Variants in KIAA0825 observed in about 807,000 individuals in gnomAD.
KIAA0825 encodes the protein KIAA0825.
Under a neutral mutation model 147.6 loss-of-function variants are expected in KIAA0825, and 119 were observed. The observed-to-expected ratio is 0.81, with a 90% confidence interval of 0.69 to 0.94. The LOEUF (loss-of-function observed/expected upper bound fraction) is 0.94, where lower values mean the gene tolerates loss of function less well. Ranked by LOEUF, KIAA0825 falls within the 40% of genes least tolerant of loss-of-function variation. KIAA0825 has a pLI of 0.00. For synonymous variants in KIAA0825, 470 were observed against 518.1 expected (o/e 0.91, Z 1.26); for missense variants, 1,381 against 1,472.7 (o/e 0.94, Z 1.02).
At chr5:94,466,626 A>G (rs981588714) in intron 10 of KIAA0825, among the ~76,000 whole-genome samples, 5 of 151,210 alleles carry the variant, frequency 3.3e-5, no homozygotes, top group African/African-American at 1.2e-4. Context: ...AGTCCCAGCT[A>G]CTTGGGAGGC....
chr5:94,503,075 TATATATATA>T (rs1765280248), intron 5 of KIAA0825, among the ~76,000 whole-genome samples: 1 of 143,340 alleles, frequency 7.0e-6, no homozygotes, highest in African/African-American at 2.8e-5. Context: ...CAAAAAAAAA[TATATATATA>T]TATGATATAT....
intron 20 of KIAA0825, among the ~76,000 whole-genome samples, chr5:94,194,460 C>T (rs1770949134): frequency 6.6e-6 from 1 of 152,122 alleles, no homozygotes; most frequent in South Asian, 2.1e-4. Context: ...CTTTGGAATA[C>T]CTGCCCCCTT....
At chr5:94,326,108 T>C (rs1453487505) in intron 20 of KIAA0825, among the ~76,000 whole-genome samples, 1 of 152,130 alleles carries the variant, frequency 6.6e-6, no homozygotes, top group African/African-American at 2.4e-5. Flanking sequence ...TTGACAAGGC[T>C]TCCATTCATA....
intron 20 of KIAA0825, among the ~76,000 whole-genome samples, chr5:94,374,209 T>C (rs1747182944): frequency 6.6e-6 from 1 of 152,218 alleles, no homozygotes; most frequent in Non-Finnish European, 1.5e-5. Context: ...ACAAAGTGAA[T>C]TTTGGTTCAA....
chr5:94,356,049 T>A (rs1282041095), intron 20 of KIAA0825, among the ~76,000 whole-genome samples: 1 of 152,218 alleles, frequency 6.6e-6, no homozygotes, highest in East Asian at 1.9e-4. Context: ...AGATTCTGCC[T>A]TTCCAATGGA....
At chr5:94,361,652 T>C (rs1745075407) in intron 20 of KIAA0825, among the ~76,000 whole-genome samples, 1 of 152,218 alleles carries the variant, frequency 6.6e-6, no homozygotes, top group Non-Finnish European at 1.5e-5. Context: ...AGAGTTGTTA[T>C]GAACAAGCAT....
At position 94,569,566 on chromosome 5, in the gene KIAA0825, G is replaced by GT. The variant is rs150376074; in HGVS notation, c.-2+12866dup. On this transcript the variant is annotated intron_variant, in intron 2 of 20. Coordinates refer to ENST00000682413, the MANE Select transcript of KIAA0825 (RefSeq NM_001145678.3). ...TGACCCCAACACGCAAAACCAACTC[G>GT]TTAATAAAATTAATTAACCACTCAT... 2,426 of 404,986 alleles carry GT rather than the reference G, an allele frequency of 6.0e-3. 51 individuals are homozygous for GT. Among genetic ancestry groups the GT allele is most frequent in the African/African-American group, 0.045 (2,177 of 48,364 alleles). The allele number at this position is 404,986 out of a possible 1,614,324, so 25.1% of individuals were successfully genotyped here.
At chr5:94,554,615 CATT>C (rs1378310908) in intron 2 of KIAA0825, among the ~76,000 whole-genome samples, 2 of 150,102 alleles carry the variant, frequency 1.3e-5, no homozygotes, top group Non-Finnish European at 3.0e-5. Context: ...TGATCTCATT[CATT>C]GAGACCTGGA....
intron 20 of KIAA0825, among the ~76,000 whole-genome samples, chr5:94,347,249 A>C (rs535792786): frequency 6.6e-6 from 1 of 152,314 alleles, no homozygotes; most frequent in Non-Finnish European, 1.5e-5. Context: ...AGGGCATATA[A>C]TCGGGAGTTC....
At chr5:94,523,021 G>T (rs1176355359) in intron 4 of KIAA0825, among the ~76,000 whole-genome samples, 1 of 151,636 alleles carries the variant, frequency 6.6e-6, no homozygotes, top group Non-Finnish European at 1.5e-5. Context: ...TTCCTTAAAA[G>T]AATAAGGCTT....
At chr5:94,386,180 A>G (rs1584336147) in intron 19 of KIAA0825, 62 bp downstream of exon 19, 2 of 1,467,174 alleles carry the variant, frequency 1.4e-6, no homozygotes, top group South Asian at 1.3e-5. Context: ...ACACAAAGCA[A>G]TTTTTTCTTA....
chr5:94,510,647 G>A (rs192632531), intron 5 of KIAA0825, among the ~76,000 whole-genome samples: 11 of 152,152 alleles, frequency 7.2e-5, no homozygotes, highest in African/African-American at 2.7e-4. Context: ...ATTTAAAAAT[G>A]TATGTATAAA....
At chr5:94,362,708 G>A (rs1361025951) in intron 20 of KIAA0825, among the ~76,000 whole-genome samples, 4 of 149,258 alleles carry the variant, frequency 2.7e-5, no homozygotes, top group Non-Finnish European at 4.5e-5. Context: ...TTCCTTGACA[G>A]CAGGGGCTGT....
chr5:94,323,794 A>T (rs1481945231), intron 20 of KIAA0825, among the ~76,000 whole-genome samples: 1 of 151,884 alleles, frequency 6.6e-6, no homozygotes, highest in Non-Finnish European at 1.5e-5. Context: ...AGATTAGGGG[A>T]TAGGGAAAAA....
At chr5:94,394,475 C>A (rs1370809858) in intron 17 of KIAA0825, among the ~76,000 whole-genome samples, 2 of 152,018 alleles carry the variant, frequency 1.3e-5, no homozygotes, top group Non-Finnish European at 2.9e-5. Context: ...CTCGACAACT[C>A]CCCGTATAGG....
At chr5:94,559,797 G>C (rs1777229872) in intron 2 of KIAA0825, among the ~76,000 whole-genome samples, 1 of 152,080 alleles carries the variant, frequency 6.6e-6, no homozygotes, top group Non-Finnish European at 1.5e-5. Context: ...CCACATCACT[G>C]ATTCGAAGGT....
rs1290231816 is a variant in KIAA0825 at position 94,518,589 on chromosome 5, A to G, written c.970+1659T>C. On this transcript the variant is annotated intron_variant, in intron 5 of 20. Transcript: ENST00000682413. ...TGATTTCATACAACATGATCAGGGC[A>G]AGTTAATCTTTCTAAGTTTCTTTCT... Among the ~76,000 whole-genome samples, 3 of 152,268 alleles carry G rather than the reference A, an allele frequency of 2.0e-5. No homozygotes were observed. In the South Asian group the frequency reaches 6.2e-4, roughly 32 times the overall value.
At chr5:94,363,713 T>A (rs367889) in intron 20 of KIAA0825, among the ~76,000 whole-genome samples, 58,997 of 151,678 alleles carry the variant, frequency 0.39, 11,916 homozygotes, top group Non-Finnish European at 0.45. Context: ...AAATTTTTTT[T>A]AAAAACTAAC....
At chr5:94,267,660 A>C (rs1451910870) in intron 20 of KIAA0825, among the ~76,000 whole-genome samples, 1 of 152,146 alleles carries the variant, frequency 6.6e-6, no homozygotes, top group Non-Finnish European at 1.5e-5. Flanking sequence ...TTTATTCAGA[A>C]ATATTTGTTT....
Sources: allele counts gnomAD v4.1 joint callset (sites outside exome capture counted in the v4.1 genomes callset), GRCh38; gene constraint gnomAD v4.1.1; transcripts MANE v1.5; gene names NCBI Gene and HGNC (gene_info 2026-07-23, HGNC 2026-07-21).